Variants in ZDHHC17 observed in about 807,000 individuals in gnomAD.
ZDHHC17 encodes the protein zDHHC palmitoyltransferase 17.
Under a neutral mutation model 90.3 loss-of-function variants are expected in ZDHHC17, and 40 were observed. The observed-to-expected ratio is 0.44, with a 90% CI of 0.34 to 0.58. The LOEUF is 0.58. ZDHHC17 is among the 20% of genes least tolerant of loss of function. The pLI, the probability that ZDHHC17 is intolerant of heterozygous loss-of-function variation, is 0.01. For synonymous variants in ZDHHC17, 235 were observed against 252.4 expected (o/e 0.93, Z 0.65); for missense variants, 614 against 780.8 (o/e 0.79, Z 2.55).
At position 76,794,853 on chromosome 12, in the gene ZDHHC17, T is replaced by A. The variant is rs74104851; in HGVS notation, c.94-2581T>A. 8.6e-3 allele frequency among the ~76,000 whole-genome samples: 1,306 copies of A among 152,282 alleles called. 27 individuals are homozygous for A. Among genetic ancestry groups the A allele is most frequent in the African/African-American group, 0.03 (1,267 of 41,542 alleles). On this transcript the variant is annotated intron_variant, in intron 1 of 16. Coordinates refer to ENST00000426126, the MANE Select transcript of ZDHHC17 (RefSeq NM_015336.4). Reference sequence around the variant, plus strand: ...ATGATAGTAATCCTCAGAAAGAGACTTATTTTTATTCTATGAATATTATTG... The same window carrying A: ...ATGATAGTAATCCTCAGAAAGAGACATATTTTTATTCTATGAATATTATTG...
intron 1 of ZDHHC17, among the ~76,000 whole-genome samples, chr12:76,790,865 G>C (rs762996772): frequency 2.6e-5 from 4 of 152,126 alleles, no homozygotes. Context: ...GGATATAAAA[G>C]TACAGCTAGT....
intron 1 of ZDHHC17, among the ~76,000 whole-genome samples, 173 bp from the exon 2 acceptor site, chr12:76,797,261 T>A (rs1215526034): frequency 6.6e-6 from 1 of 151,858 alleles, no homozygotes; most frequent in African/African-American, 2.4e-5. Context: ...AGACTCCATC[T>A]CAAAAAAATA....
Position 76,816,016 on chromosome 12 carries a change from C to G in ZDHHC17, c.768C>G (p.Ile256Met), listed in dbSNP as rs1166001277. The G allele has an allele frequency of 6.6e-7, 1 of 1,526,616 alleles. No homozygotes were observed. The highest frequency in any genetic ancestry group is 2.4e-5 in the East Asian group (1 of 41,522). The allele number at this position is 1,526,616 out of a possible 1,614,324, so 94.6% of individuals were successfully genotyped here. The change falls in exon 7 of 17, where the codon ATC becomes ATG. Residue 256 changes from isoleucine to methionine, a missense_variant. Ile to Met is a conservative substitution (Grantham distance 10). This residue lies in a region of ZDHHC17 where 358 missense variants were observed against 380.4 expected (regional missense o/e 0.94). Coordinates refer to ENST00000426126, the MANE Select transcript of ZDHHC17 (RefSeq NM_015336.4). Reference sequence around the variant, plus strand: ...GAGCTAATGTTGATGCCCAGAATATCAAGGTAAAAATATTCTATATTGATA... The same window carrying G: ...GAGCTAATGTTGATGCCCAGAATATGAAGGTAAAAATATTCTATATTGATA... Reference protein sequence around the residue: ...EAGANVDAQNIKGESALDLAK... With the variant: ...EAGANVDAQNMKGESALDLAK...
chr12:76,782,653 A>G (rs1178602206), intron 1 of ZDHHC17, among the ~76,000 whole-genome samples: 1 of 152,172 alleles, frequency 6.6e-6, no homozygotes, highest in African/African-American at 2.4e-5. Context: ...GTGCTGGAGA[A>G]TGTCTCGTTT....
At position 76,853,647 on chromosome 12, in the gene ZDHHC17, A is replaced by C. The variant is rs1953589984; in HGVS notation, c.*2662A>C. 6.6e-6 allele frequency: 1 copy of C among 152,514 alleles called. No individual in the cohort carries two copies. The highest frequency in any genetic ancestry group is 2.1e-4 in the South Asian group (1 of 4,828). 9.4% of individuals were successfully genotyped at this position (152,514 alleles called of 1,614,324 possible). A position where few individuals can be genotyped will look rare whatever the true frequency, so the allele number is the denominator to read the frequency against. Reference sequence around the variant, plus strand: ...TAAATTAGCCCTCCTTACATAAATTAAATGTCAAAATTTTGTAAAATATTA... The same window carrying C: ...TAAATTAGCCCTCCTTACATAAATTCAATGTCAAAATTTTGTAAAATATTA... On this transcript the variant is annotated 3_prime_UTR_variant, in exon 17 of 17. Coordinates refer to ENST00000426126, the MANE Select transcript of ZDHHC17 (RefSeq NM_015336.4).
chr12:76,806,118 T>C (rs1251362634), intron 3 of ZDHHC17, among the ~76,000 whole-genome samples: 1 of 152,152 alleles, frequency 6.6e-6, no homozygotes, highest in Non-Finnish European at 1.5e-5. Flanking sequence ...GTTGTTGAGA[T>C]GGGTTCTTAC....
At chr12:76,829,580 T>C (rs934698344) in intron 10 of ZDHHC17, among the ~76,000 whole-genome samples, 2 of 152,056 alleles carry the variant, frequency 1.3e-5, no homozygotes, top group African/African-American at 2.4e-5. Context: ...TTGAAACTTG[T>C]ATTTTTCTAA....
chr12:76,833,778 G>A (rs1327064680), intron 10 of ZDHHC17, among the ~76,000 whole-genome samples: 1 of 152,192 alleles, frequency 6.6e-6, no homozygotes, highest in Non-Finnish European at 1.5e-5. Flanking sequence ...GGGCAACAGA[G>A]CGAGACTCTG....
Position 76,797,577 on chromosome 12 carries a change from T to C in ZDHHC17, c.197+40T>C, listed in dbSNP as rs1952835532. On this transcript the variant is annotated intron_variant, in intron 2 of 16. Transcript: ENST00000426126. Reference sequence around the variant, plus strand: ...GTAGTTGTTTTCTTTGGCATGTGTATTTCAAGTGAAATATGAATCTGAATA... The same window carrying C: ...GTAGTTGTTTTCTTTGGCATGTGTACTTCAAGTGAAATATGAATCTGAATA... The C allele has an allele frequency of 4.2e-6, 6 of 1,442,422 alleles. No homozygotes were observed. In the East Asian group the frequency reaches 1.2e-4, roughly 28 times the overall value. The allele number at this position is 1,442,422 out of a possible 1,614,324, so 89.4% of individuals were successfully genotyped here.
chr12:76,780,526 C>A (rs900306711), intron 1 of ZDHHC17, among the ~76,000 whole-genome samples: 5 of 152,196 alleles, frequency 3.3e-5, no homozygotes, highest in Admixed American at 2.6e-4. Flanking sequence ...TTCCATGTCA[C>A]TTCTGGCTAC....
In ZDHHC17 at chr12:76,815,907, G is replaced by A; in HGVS notation, c.659G>A (p.Gly220Asp). The part of the protein sequence containing the change: ...LLTFNVSVNL[G>D]DKYHKNTALH... Reference sequence around the variant, plus strand: ...ACATTCAATGTTTCAGTTAACCTTGGTGACAAGTATCACAAAAACACTGCT... The same window carrying A: ...ACATTCAATGTTTCAGTTAACCTTGATGACAAGTATCACAAAAACACTGCT... The change falls in exon 7 of 17, where the codon GGT becomes GAT. Residue 220 changes from glycine (G) to aspartate (D), a missense_variant. By Grantham distance (94) the Gly-to-Asp change is moderately conservative. Transcript: ENST00000426126. 6.3e-7 allele frequency: 1 copy of A among 1,579,508 alleles called. No homozygotes were observed. Among genetic ancestry groups the A allele is most frequent in the Non-Finnish European group, 8.6e-7 (1 of 1,161,132 alleles).
intron 1 of ZDHHC17, among the ~76,000 whole-genome samples, chr12:76,789,921 A>G (rs1952740397): frequency 6.6e-6 from 1 of 152,202 alleles, no homozygotes; most frequent in Admixed American, 6.5e-5. Flanking sequence ...TGATAACGAC[A>G]TGTAAGGTAG....
At chr12:76,823,269 T>A (rs1434977403) in intron 8 of ZDHHC17, among the ~76,000 whole-genome samples, 2 of 152,236 alleles carry the variant, frequency 1.3e-5, no homozygotes, top group Non-Finnish European at 2.9e-5. Context: ...CAGCTCTAAC[T>A]TGAGCTTTGC....
At chr12:76,844,889 G>C (rs532261699) in intron 12 of ZDHHC17, 12 of 152,244 alleles carry the variant, frequency 7.9e-5, no homozygotes, top group Middle Eastern at 6.8e-3. Flanking sequence ...CATTAGGACT[G>C]CCAGCCCTTT....
At chr12:76,842,861 A>G (rs568956170) in intron 11 of ZDHHC17, 58 bp from the exon 12 acceptor site, 4 of 1,305,498 alleles carry the variant, frequency 3.1e-6, no homozygotes, top group South Asian at 2.7e-5. Flanking sequence ...TAGTGGTGGC[A>G]AAAGAGTTGG....
At chr12:76,801,602 C>T (rs972167309) in intron 2 of ZDHHC17, among the ~76,000 whole-genome samples, 2 of 151,782 alleles carry the variant, frequency 1.3e-5, no homozygotes, top group African/African-American at 4.8e-5. Context: ...TGCAGTGAGC[C>T]GAGATCGCGC....
At chr12:76,785,204 A>G (rs560476611) in intron 1 of ZDHHC17, among the ~76,000 whole-genome samples, 218 of 152,306 alleles carry the variant, frequency 1.4e-3, no homozygotes, top group African/African-American at 4.8e-3. Context: ...AGGTAATAAT[A>G]TGAAAAATAT....
At chr12:76,820,986 A>G (rs981401776) in intron 7 of ZDHHC17, 1 of 926,100 alleles carries the variant, frequency 1.1e-6, no homozygotes, top group Non-Finnish European at 1.5e-6. Flanking sequence ...TAAAAGAACT[A>G]TACAAAAATA....
At chr12:76,780,698 C>T (rs1297313126) in intron 1 of ZDHHC17, among the ~76,000 whole-genome samples, 1 of 152,174 alleles carries the variant, frequency 6.6e-6, no homozygotes, top group African/African-American at 2.4e-5. Context: ...TACTTGCAGT[C>T]TTCATTCTTC....
Sources: gnomAD v4.1 joint callset for allele counts (sites outside exome capture counted in the v4.1 genomes callset) on GRCh38, gnomAD v4.1.1 for gene constraint, gnomAD v4.1.1 regional missense constraint, MANE v1.5 for transcripts, NCBI Gene and HGNC (gene_info 2026-07-23, HGNC 2026-07-21) for gene names.